The following ARMC2 variants were observed in gnomAD, a reference collection of about 807,000 sequenced individuals.
The protein encoded by ARMC2 is armadillo repeat containing 2, also known as armadillo repeat-containing protein 2.
ARMC2 carries 67 observed loss-of-function variants against 90.3 expected under a neutral mutation model. The ratio of observed to expected loss-of-function variants is 0.74; its 90% CI spans 0.61 to 0.91. The LOEUF is 0.91. ARMC2 is among the 40% of genes least tolerant of loss of function. ARMC2 has a pLI of 0.00. For missense variants in ARMC2, 920 were observed against 1,030.9 expected, an observed-to-expected ratio of 0.89 and a Z score of 1.47; for synonymous variants, 393 against 393.0, an observed-to-expected ratio of 1.00 and a Z score of 0.00.
At chr6:108,968,389 T>C (rs445221) in intron 17 of ARMC2, among the ~76,000 whole-genome samples, 142,897 of 152,252 alleles carry the variant, frequency 0.94, 67,706 homozygotes, top group East Asian at 1. Flanking sequence ...CACTGCACCT[T>C]GTGCAGGGGG....
intron 17 of ARMC2, among the ~76,000 whole-genome samples, chr6:108,971,749 C>CT (rs1778779441): frequency 6.6e-6 from 1 of 151,956 alleles, no homozygotes; most frequent in Non-Finnish European, 1.5e-5. Context: ...TGGTAAAACT[C>CT]TGTCTCTACT....
At chr6:109,004,017 G>A in the ARMC2 span, among the ~76,000 whole-genome samples, 13 of 152,228 alleles carry the variant, frequency 8.5e-5, no homozygotes, top group African/African-American at 1.7e-4. Flanking sequence ...TTTAGTATAC[G>A]AAAAGGTGTC....
At chr6:108,962,220 TGTTTCC>T in intron 15 of ARMC2, 93 bp downstream of exon 15, 1 of 1,029,966 alleles carries the variant, frequency 9.7e-7, no homozygotes. Flanking sequence ...GTGTTATACT[TGTTTCC>T]GTTTTGAGAT....
chr6:108,971,809 T>C (rs955017805), intron 17 of ARMC2, among the ~76,000 whole-genome samples: 1 of 151,522 alleles, frequency 6.6e-6, no homozygotes, highest in African/African-American at 2.4e-5. Context: ...TAATCCCAGC[T>C]GCTCAGGAGG....
chr6:108,932,095 C>G (rs1416575184), intron 11 of ARMC2, among the ~76,000 whole-genome samples: 1 of 151,894 alleles, frequency 6.6e-6, no homozygotes, highest in African/African-American at 2.4e-5. Context: ...GGTTGTTTTT[C>G]TCTTGTAAAT....
At chr6:108,869,328 TA>T (rs1776147094) in intron 4 of ARMC2, among the ~76,000 whole-genome samples, 1 of 152,050 alleles carries the variant, frequency 6.6e-6, no homozygotes. Flanking sequence ...GCCAACATGG[TA>T]AAACCCTGTC....
the ARMC2 span, among the ~76,000 whole-genome samples, chr6:108,985,575 A>G: frequency 6.6e-6 from 1 of 152,166 alleles, no homozygotes; most frequent in Non-Finnish European, 1.5e-5. Flanking sequence ...GTATAAACAT[A>G]TTTTTTAACT....
chr6:108,872,767 G>A (rs1651284014), intron 4 of ARMC2, among the ~76,000 whole-genome samples: 1 of 152,210 alleles, frequency 6.6e-6, no homozygotes. Context: ...CAGAGGCCCT[G>A]TTGTGCCTAC....
chr6:109,018,183 ATT>A, the ARMC2 span, among the ~76,000 whole-genome samples: 5 of 152,206 alleles, frequency 3.3e-5, no homozygotes, highest in African/African-American at 4.8e-5. Flanking sequence ...CTTTAGAGAT[ATT>A]ATAAAATATT....
At chr6:108,983,554 G>A in the ARMC2 span, among the ~76,000 whole-genome samples, 1 of 152,132 alleles carries the variant, frequency 6.6e-6, no homozygotes, top group Non-Finnish European at 1.5e-5. Context: ...AAGATGATTT[G>A]GCCATATATG....
chr6:108,855,783 GT>G (rs1173468821), intron 2 of ARMC2, among the ~76,000 whole-genome samples: 3 of 152,134 alleles, frequency 2.0e-5, no homozygotes, highest in Non-Finnish European at 4.4e-5. Context: ...GTATCTCATT[GT>G]TTTAAGTTAC....
At chr6:108,998,096 TAAG>T in the ARMC2 span, among the ~76,000 whole-genome samples, 2 of 152,154 alleles carry the variant, frequency 1.3e-5, no homozygotes, top group African/African-American at 4.8e-5. Context: ...TATAAAAAAT[TAAG>T]AAGCCAGACT....
At chr6:108,936,675 C>A (rs750347665) in intron 11 of ARMC2, among the ~76,000 whole-genome samples, 1 of 152,184 alleles carries the variant, frequency 6.6e-6, no homozygotes, top group Non-Finnish European at 1.5e-5. Context: ...GTAGTGTACA[C>A]CTACATGTAA....
chr6:109,044,795 G>A, the ARMC2 span, among the ~76,000 whole-genome samples: 1 of 152,130 alleles, frequency 6.6e-6, no homozygotes, highest in African/African-American at 2.4e-5. Context: ...AGGTCGAGGA[G>A]GGCAGATCAC....
At chr6:108,968,319 G>A (rs1438063379) in intron 17 of ARMC2, among the ~76,000 whole-genome samples, 2 of 152,176 alleles carry the variant, frequency 1.3e-5, no homozygotes, top group African/African-American at 2.4e-5. Context: ...ATTCCCATCC[G>A]AAAACAAACA....
At chr6:109,024,120 A>T in the ARMC2 span, among the ~76,000 whole-genome samples, 34 of 149,908 alleles carry the variant, frequency 2.3e-4, no homozygotes, top group East Asian at 2.3e-3. Flanking sequence ...AGAACAAATT[A>T]AAAAAAAGAT....
chr6:108,856,553 G>T, intron 2 of ARMC2: 1 of 222,854 alleles, frequency 4.5e-6, no homozygotes, highest in South Asian at 7.2e-5. Context: ...CCATCAATTT[G>T]ACATACACAG....
chr6:108,971,647 G>C (rs1404660221), intron 17 of ARMC2, among the ~76,000 whole-genome samples: 1 of 152,148 alleles, frequency 6.6e-6, no homozygotes, highest in African/African-American at 2.4e-5. Flanking sequence ...CGGCAGCTGG[G>C]TGCAGTGGCT....
At chr6:108,900,373 G>T (rs563814145) in intron 7 of ARMC2, among the ~76,000 whole-genome samples, 7 of 152,342 alleles carry the variant, frequency 4.6e-5, no homozygotes, top group African/African-American at 1.7e-4. Context: ...GGGAAAGCGT[G>T]TCATGGGATG....
Sources: allele counts gnomAD v4.1 joint callset (sites outside exome capture counted in the v4.1 genomes callset), GRCh38; gene constraint gnomAD v4.1.1; transcripts MANE v1.5; gene names NCBI Gene and HGNC (gene_info 2026-07-23, HGNC 2026-07-21).